Variants in RBFOX1 observed in about 807,000 individuals in gnomAD.
RBFOX1 encodes RNA binding fox-1 homolog 1.
Under a neutral mutation model 57.7 loss-of-function variants are expected in RBFOX1, and 8 were observed. The ratio of observed to expected loss-of-function variants is 0.14; its 90% confidence interval spans 0.08 to 0.25. The LOEUF (loss-of-function observed/expected upper bound fraction) is 0.25. Among genes scored for constraint, RBFOX1 ranks in the 10% least tolerant of loss-of-function variants. The probability of loss-of-function intolerance (pLI) is 1.00; values close to 1 mark genes in which losing one functional copy is unlikely to be tolerated. For synonymous variants in RBFOX1, 326 were observed against 222.4 expected, an observed-to-expected ratio of 1.47 and a Z score of -4.15; for missense variants, 611 against 548.5, an observed-to-expected ratio of 1.11 and a Z score of -1.14.
In RBFOX1 at chr16:6,033,457, T is replaced by C. The variant is rs190453443; in HGVS notation, c.-127+13465T>C. Among the ~76,000 whole-genome samples the C allele has an allele frequency of 7.9e-4, 121 of 152,348 alleles. 1 individual carries two copies. Among genetic ancestry groups the C allele is most frequent in the African/African-American group, 2.7e-3 (111 of 41,584 alleles). ...ATAGTTTCTCATGCACCCTTTCATA[T>C]ATATTTTATGCGAATACAAACATTT... On this transcript the variant is annotated intron_variant, in intron 1 of 15. Coordinates refer to ENST00000550418, the MANE Select transcript of RBFOX1 (RefSeq NM_018723.4).
intron 4 of RBFOX1, among the ~76,000 whole-genome samples, chr16:7,194,217 C>T (rs1215456989): frequency 6.6e-6 from 1 of 152,184 alleles, no homozygotes; most frequent in East Asian, 1.9e-4. Context: ...AAGCCTCCGG[C>T]TCAGTGTCTA....
At chr16:5,616,256 C>G (rs760719287) in intron 3 of RBFOX1, 32 of 152,386 alleles carry the variant, frequency 2.1e-4, no homozygotes, top group Non-Finnish European at 4.5e-4. Flanking sequence ...CTGCCTCCCG[C>G]GGCTGGAAAC....
intron 3 of RBFOX1, among the ~76,000 whole-genome samples, chr16:6,777,220 T>G (rs2079529968): frequency 6.6e-6 from 1 of 152,216 alleles, no homozygotes; most frequent in Non-Finnish European, 1.5e-5. Flanking sequence ...TGTAGGTAAT[T>G]ATGTGCTAAG....
chr16:6,155,594 C>T (rs1457161477), intron 1 of RBFOX1, among the ~76,000 whole-genome samples: 1 of 152,198 alleles, frequency 6.6e-6, no homozygotes, highest in Non-Finnish European at 1.5e-5. Context: ...CTGCTGGCTG[C>T]GCAGTGGCCT....
intron 3 of RBFOX1, among the ~76,000 whole-genome samples, chr16:5,693,051 G>T (rs1305094909): frequency 1.3e-5 from 2 of 152,208 alleles, no homozygotes; most frequent in African/African-American, 2.4e-5. Context: ...AAGTATGGAA[G>T]TTTGTATCTT....
At chr16:5,446,265 C>A (rs985751313) in intron 1 of RBFOX1, among the ~76,000 whole-genome samples, 1 of 151,688 alleles carries the variant, frequency 6.6e-6, no homozygotes. Context: ...CTTCTGTGGG[C>A]AAAACATCAG....
chr16:5,335,668 T>C (rs1358491), intron 1 of RBFOX1, among the ~76,000 whole-genome samples: 137,487 of 152,084 alleles, frequency 0.9, 63,797 homozygotes, highest in East Asian at 1. Flanking sequence ...GTGTGTGGAG[T>C]GGCACGGTGT....
At chr16:6,756,864 C>G (rs548933764) in intron 3 of RBFOX1, among the ~76,000 whole-genome samples, 5 of 151,796 alleles carry the variant, frequency 3.3e-5, no homozygotes, top group Admixed American at 2.0e-4. Flanking sequence ...AGTCACAGCT[C>G]CTTGGGAGGC....
chr16:6,500,664 T>C (rs900384087), intron 2 of RBFOX1, among the ~76,000 whole-genome samples: 1 of 152,114 alleles, frequency 6.6e-6, no homozygotes, highest in Non-Finnish European at 1.5e-5. Context: ...GGCTTAAGAA[T>C]GGCAAGAAGA....
intron 2 of RBFOX1, among the ~76,000 whole-genome samples, chr16:6,580,726 G>C (rs2097525371): frequency 6.6e-6 from 1 of 152,076 alleles, no homozygotes; most frequent in South Asian, 2.1e-4. Context: ...GATGAGACCA[G>C]CTGAGGCTCA....
intron 4 of RBFOX1, among the ~76,000 whole-genome samples, chr16:7,455,351 G>A (rs1044916410): frequency 2.0e-5 from 3 of 152,080 alleles, no homozygotes; most frequent in Admixed American, 6.6e-5. Context: ...GAATGCATGT[G>A]CATGTATGTC....
At chr16:6,608,796 G>A (rs1154977) in intron 2 of RBFOX1, among the ~76,000 whole-genome samples, 146,017 of 152,276 alleles carry the variant, frequency 0.96, 70,312 homozygotes, top group East Asian at 1. Context: ...ACAGAAGTTG[G>A]TCATCTCATA....
intron 4 of RBFOX1, among the ~76,000 whole-genome samples, chr16:7,465,852 T>G (rs866795565): frequency 6.6e-6 from 1 of 152,176 alleles, no homozygotes; most frequent in African/African-American, 2.4e-5. Context: ...TGATGTCGAG[T>G]GTTTGATATT....
At chr16:6,906,057 C>G (rs767528958) in intron 3 of RBFOX1, among the ~76,000 whole-genome samples, 3 of 152,190 alleles carry the variant, frequency 2.0e-5, no homozygotes, top group Non-Finnish European at 4.4e-5. Flanking sequence ...GAACAGTGAG[C>G]TCATCTCCAC....
chr16:7,178,799 G>C (rs1435899713), intron 4 of RBFOX1, among the ~76,000 whole-genome samples: 2 of 152,172 alleles, frequency 1.3e-5, no homozygotes, highest in African/African-American at 4.8e-5. Flanking sequence ...TCACAGGTGA[G>C]ACATCGGGTT....
chr16:7,451,477 T>C (rs1177265454), intron 4 of RBFOX1, among the ~76,000 whole-genome samples: 1 of 152,144 alleles, frequency 6.6e-6, no homozygotes, highest in Admixed American at 6.5e-5. Context: ...GGGACCGTAA[T>C]GCAAGCCCAC....
At chr16:5,598,905 T>A (rs542848423) in exon 3 of RBFOX1, 1 of 1,522,906 alleles carries the variant, frequency 6.6e-7, no homozygotes, top group Non-Finnish European at 8.8e-7. Context: ...TTGCCAGGAC[T>A]ACAAGTCTGA....
chr16:6,179,462 T>C (rs927975954), intron 1 of RBFOX1, among the ~76,000 whole-genome samples: 1 of 152,140 alleles, frequency 6.6e-6, no homozygotes, highest in African/African-American at 2.4e-5. Flanking sequence ...GTTGGGACTC[T>C]CTGATGCCTT....
intron 1 of RBFOX1, among the ~76,000 whole-genome samples, chr16:6,242,446 C>G (rs2061470201): frequency 1.3e-5 from 2 of 151,600 alleles, no homozygotes; most frequent in South Asian, 4.2e-4. Flanking sequence ...CCAGGCTGGT[C>G]TCAAACTCCT....
Sources: allele counts gnomAD v4.1 joint callset (sites outside exome capture counted in the v4.1 genomes callset), GRCh38; gene constraint gnomAD v4.1.1; transcripts MANE v1.5; gene names NCBI Gene and HGNC (gene_info 2026-07-23, HGNC 2026-07-21).